The following LARS2 variants were observed in gnomAD, a reference collection of about 807,000 sequenced individuals.
LARS2 encodes leucine--tRNA ligase, mitochondrial.
LARS2 carries 81 observed loss-of-function variants against 116.6 expected under a neutral mutation model. That is an observed-to-expected ratio of 0.69 (90% CI 0.58 to 0.84). The LOEUF (loss-of-function observed/expected upper bound fraction) is 0.84. Among genes scored for constraint, LARS2 ranks in the 40% least tolerant of loss-of-function variants. The pLI, the probability that LARS2 is intolerant of heterozygous loss-of-function variation, is 0.00. For missense variants in LARS2, 968 were observed against 1,114.5 expected (o/e 0.87, Z 1.87); for synonymous variants, 396 against 407.2 (o/e 0.97, Z 0.33).
chr3:45,517,840 T>C, intron 17 of LARS2, 63 bp from the exon 18 acceptor site: 1 of 1,356,848 alleles, frequency 7.4e-7, no homozygotes, highest in African/African-American at 1.5e-5. Context: ...TGCTTAGTTA[T>C]ACCAAGTCAA....
rs1213367435 is a variant in LARS2, at chr3:45,520,291, C to G, written c.2287C>G (p.Leu763Val). The change falls in exon 19 of 22, where the codon CTC (leucine) becomes GTC (valine). Residue 763 changes from leucine to valine, a missense_variant. By Grantham distance (32) the Leu-to-Val change is conservative. Coordinates refer to ENST00000645846, the MANE Select transcript of LARS2 (RefSeq NM_015340.4). ...ISQLMGLSNALSQASQSVILH... is the reference protein window; with the variant it reads ...ISQLMGLSNAVSQASQSVILH... ...TCAGCTGATGGGACTCAGCAATGCC[C>G]TCTCGGTAAGTGGCCTGTCCTCATT... 1 of 1,612,496 alleles carries G rather than the reference C, an allele frequency of 6.2e-7. No homozygotes were observed. The highest frequency in any genetic ancestry group is 8.5e-7 in the Non-Finnish European group (1 of 1,178,662).
At chr3:45,427,159 A>AC (rs1319427728) in intron 6 of LARS2, among the ~76,000 whole-genome samples, 2 of 152,220 alleles carry the variant, frequency 1.3e-5, no homozygotes, top group Non-Finnish European at 1.5e-5. Context: ...CTTCTACATC[A>AC]GCCAGGTACA....
chr3:45,493,607 A>G (rs1002582048), intron 13 of LARS2, among the ~76,000 whole-genome samples: 6 of 152,176 alleles, frequency 3.9e-5, no homozygotes, highest in Non-Finnish European at 5.9e-5. Flanking sequence ...TATCGGTCTC[A>G]TAATCCCCAG....
At chr3:45,487,831 C>A (rs1005447839) in intron 11 of LARS2, among the ~76,000 whole-genome samples, 2 of 151,980 alleles carry the variant, frequency 1.3e-5, no homozygotes, top group African/African-American at 2.4e-5. Flanking sequence ...AGGCCTTGGC[C>A]CCCCTGGGTG....
At chr3:45,453,866 A>G (rs1399703) in intron 7 of LARS2, among the ~76,000 whole-genome samples, 38,917 of 151,940 alleles carry the variant, frequency 0.26, 5,276 homozygotes, top group Middle Eastern at 0.4. Context: ...GTTTAAAAAA[A>G]AAAGAAAGAA....
chr3:45,520,677 A>C (rs188118181), intron 19 of LARS2, among the ~76,000 whole-genome samples: 2 of 152,254 alleles, frequency 1.3e-5, no homozygotes, highest in African/African-American at 4.8e-5. Context: ...GCATCATTAC[A>C]TTTGATATTC....
At chr3:45,539,883 G>T (rs1252362039) in intron 20 of LARS2, among the ~76,000 whole-genome samples, 1 of 107,998 alleles carries the variant, frequency 9.3e-6, no homozygotes, top group African/African-American at 2.5e-5. Context: ...TTTACAGCAT[G>T]ATCTTGTGGT....
chr3:45,398,035 A>G (rs1018333122), intron 3 of LARS2, among the ~76,000 whole-genome samples: 29 of 152,208 alleles, frequency 1.9e-4, no homozygotes, highest in African/African-American at 6.8e-4. Context: ...TCCTGTTTGT[A>G]TAAATCCATT....
intron 16 of LARS2, among the ~76,000 whole-genome samples, chr3:45,515,443 C>G (rs1037010849): frequency 6.6e-6 from 1 of 152,200 alleles, no homozygotes; most frequent in African/African-American, 2.4e-5. Flanking sequence ...GCCAGGTGCT[C>G]TTACTAGTCC....
intron 18 of LARS2, among the ~76,000 whole-genome samples, chr3:45,519,445 C>G (rs1302026978): frequency 1.4e-5 from 2 of 146,408 alleles, no homozygotes; most frequent in Non-Finnish European, 3.0e-5. Context: ...GAGCTGAGAT[C>G]GCACCACTGC....
intron 15 of LARS2, among the ~76,000 whole-genome samples, chr3:45,504,606 T>C (rs1700171260): frequency 6.6e-6 from 1 of 152,066 alleles, no homozygotes; most frequent in Non-Finnish European, 1.5e-5. Context: ...GTGTTTGTAC[T>C]TTAGGTTCTA....
At chr3:45,505,417 G>A (rs1267779023) in intron 15 of LARS2, among the ~76,000 whole-genome samples, 1 of 151,886 alleles carries the variant, frequency 6.6e-6, no homozygotes, top group African/African-American at 2.4e-5. Context: ...CAGGCGTGGT[G>A]GTTCATGCTT....
Position 45,533,141 on chromosome 3 carries a change from C to CTTTTTT in LARS2, c.2405-8666_2405-8661dup, listed in dbSNP as rs3085466. Among the ~76,000 whole-genome samples, 129 of 51,024 alleles carry CTTTTTT rather than the reference C, an allele frequency of 2.5e-3. 29 individuals are homozygous for CTTTTTT. Among genetic ancestry groups the CTTTTTT allele is most frequent in the African/African-American group, 3.8e-3 (53 of 14,098 alleles). 33.5% of individuals were successfully genotyped at this position (51,024 alleles called of 152,430 possible). A position where few individuals can be genotyped will look rare whatever the true frequency, so the allele number is the denominator to read the frequency against. On this transcript the variant is annotated intron_variant, in intron 20 of 21. Transcript: ENST00000645846. The stretch of plus-strand genomic sequence containing the variant: ...TTTAGCTTTGGTGGTCACATTAAGT[C>CTTTTTT]TTTTTTTTTTTTTTTTTTTTTTTTT...
chr3:45,506,833 T>G (rs1307840819), intron 15 of LARS2: 4 of 152,108 alleles, frequency 2.6e-5, no homozygotes, highest in African/African-American at 9.6e-5. Flanking sequence ...TCATCTTTCC[T>G]GTTTTGTAAG....
At chr3:45,513,891 G>A (rs1236351095) in intron 16 of LARS2, among the ~76,000 whole-genome samples, 2 of 152,110 alleles carry the variant, frequency 1.3e-5, no homozygotes, top group Admixed American at 6.5e-5. Context: ...CAGCACACAC[G>A]TGGAATATAT....
chr3:45,448,017 G>A (rs1369421979), intron 7 of LARS2, among the ~76,000 whole-genome samples: 2 of 152,168 alleles, frequency 1.3e-5, no homozygotes, highest in Admixed American at 1.3e-4. Context: ...GGAGATTGAT[G>A]CAGGAGGATT....
intron 14 of LARS2, 57 bp downstream of exon 14, chr3:45,496,430 C>G: frequency 8.0e-7 from 1 of 1,250,684 alleles, no homozygotes; most frequent in Admixed American, 1.7e-5. Context: ...CTCCTAGAAG[C>G]AAAGACCAAG....
intron 8 of LARS2, among the ~76,000 whole-genome samples, chr3:45,473,837 A>G (rs1699568718): frequency 6.6e-6 from 1 of 152,138 alleles, no homozygotes; most frequent in East Asian, 1.9e-4. Flanking sequence ...TGTCCTATGT[A>G]TGATATTGTT....
chr3:45,433,999 GGCT>G (rs1332446970), intron 6 of LARS2, among the ~76,000 whole-genome samples: 1 of 151,882 alleles, frequency 6.6e-6, no homozygotes, highest in Non-Finnish European at 1.5e-5. Context: ...ATTTCTCTCT[GGCT>G]GCTTTCAATA....
Sources: gnomAD v4.1 joint callset for allele counts (sites outside exome capture counted in the v4.1 genomes callset) on GRCh38, gnomAD v4.1.1 for gene constraint, MANE v1.5 for transcripts, NCBI Gene and HGNC (gene_info 2026-07-23, HGNC 2026-07-21) for gene names.